The following GALNT17 variants were observed in gnomAD, a reference collection of about 807,000 sequenced individuals.
GALNT17 encodes the protein polypeptide N-acetylgalactosaminyltransferase 17.
Under a neutral mutation model 63.7 loss-of-function variants are expected in GALNT17, and 29 were observed. That is an observed-to-expected ratio of 0.46 (90% CI 0.34 to 0.62). The LOEUF (loss-of-function observed/expected upper bound fraction) is 0.62. Ranked by LOEUF, GALNT17 falls within the 20% of genes least tolerant of loss-of-function variation. The probability of loss-of-function intolerance (pLI) is 0.01; values close to 1 mark genes in which losing one functional copy is unlikely to be tolerated. For missense variants in GALNT17, 603 were observed against 799.6 expected, an observed-to-expected ratio of 0.75 and a Z score of 2.97; for synonymous variants, 305 against 318.3, an observed-to-expected ratio of 0.96 and a Z score of 0.45.
chr7:71,278,368 G>A (rs146326514), intron 1 of GALNT17, among the ~76,000 whole-genome samples: 50 of 152,290 alleles, frequency 3.3e-4, no homozygotes, highest in Middle Eastern at 3.4e-3. Context: ...GGCAGACCAC[G>A]CTCCTTCTGA....
chr7:71,399,850 T>A (rs1793209540), intron 3 of GALNT17, among the ~76,000 whole-genome samples: 1 of 152,180 alleles, frequency 6.6e-6, no homozygotes, highest in Non-Finnish European at 1.5e-5. Flanking sequence ...CATTTTTAAG[T>A]GTGCATTTAA....
intron 1 of GALNT17, among the ~76,000 whole-genome samples, chr7:71,269,187 A>T (rs1257248832): frequency 6.6e-6 from 1 of 152,198 alleles, no homozygotes; most frequent in Non-Finnish European, 1.5e-5. Context: ...TTTTGTGGCC[A>T]GGCATCATGG....
intron 1 of GALNT17, among the ~76,000 whole-genome samples, chr7:71,308,879 C>G (rs1882573): frequency 0.92 from 139,318 of 151,964 alleles, 63,939 homozygotes; most frequent in East Asian, 1. Context: ...CAAGTAGCTG[C>G]ATTACAGGCA....
chr7:71,567,621 C>G (rs1401496438), intron 5 of GALNT17, among the ~76,000 whole-genome samples: 1 of 152,172 alleles, frequency 6.6e-6, no homozygotes, highest in Non-Finnish European at 1.5e-5. Context: ...CACACCACCA[C>G]GCCCAGCTAA....
At chr7:71,511,300 G>A (rs914575333) in intron 5 of GALNT17, among the ~76,000 whole-genome samples, 3 of 152,204 alleles carry the variant, frequency 2.0e-5, no homozygotes, top group Non-Finnish European at 4.4e-5. Flanking sequence ...GATCAGATAG[G>A]AAACCAGGGT....
intron 2 of GALNT17, among the ~76,000 whole-genome samples, chr7:71,351,418 A>T (rs1324601450): frequency 3.9e-5 from 6 of 152,094 alleles, no homozygotes; most frequent in Admixed American, 3.9e-4. Context: ...TCCATCTGGA[A>T]CCTCAGGTCA....
chr7:71,429,646 G>T (rs1055696697), intron 5 of GALNT17, among the ~76,000 whole-genome samples: 3 of 152,150 alleles, frequency 2.0e-5, no homozygotes, highest in Non-Finnish European at 2.9e-5. Flanking sequence ...GGGCTCAAGC[G>T]ATACTCCTGC....
At chr7:71,274,135 G>A (rs1243204960) in intron 1 of GALNT17, among the ~76,000 whole-genome samples, 1 of 152,198 alleles carries the variant, frequency 6.6e-6, no homozygotes, top group Non-Finnish European at 1.5e-5. Context: ...TTTCCCTGGT[G>A]TACATATTTC....
intron 10 of GALNT17, among the ~76,000 whole-genome samples, chr7:71,711,141 C>T (rs984499652): frequency 6.6e-6 from 1 of 152,106 alleles, no homozygotes; most frequent in African/African-American, 2.4e-5. Flanking sequence ...TATGTCAGTG[C>T]TAGGCTGGTT....
At chr7:71,263,760 A>G (rs947034391) in intron 1 of GALNT17, among the ~76,000 whole-genome samples, 1 of 151,802 alleles carries the variant, frequency 6.6e-6, no homozygotes, top group African/African-American at 2.4e-5. Flanking sequence ...CGTCTCTACT[A>G]AAAAAATACA....
chr7:71,639,407 C>T (rs973167575), intron 6 of GALNT17, among the ~76,000 whole-genome samples: 1 of 152,190 alleles, frequency 6.6e-6, no homozygotes, highest in African/African-American at 2.4e-5. Flanking sequence ...CCATCTTCTC[C>T]TCCTAGGTGA....
chr7:71,398,222 T>C (rs376235847), intron 3 of GALNT17, among the ~76,000 whole-genome samples: 1 of 152,118 alleles, frequency 6.6e-6, no homozygotes, highest in Non-Finnish European at 1.5e-5. Flanking sequence ...TTTTTTCTGT[T>C]CTCTCTTTCA....
At chr7:71,149,442 C>T (rs1383744635) in intron 1 of GALNT17, among the ~76,000 whole-genome samples, 2 of 152,022 alleles carry the variant, frequency 1.3e-5, no homozygotes, top group African/African-American at 4.8e-5. Flanking sequence ...TTGAGTCTTG[C>T]TCGGTTGGTG....
intron 1 of GALNT17, among the ~76,000 whole-genome samples, chr7:71,140,693 C>T (rs747450255): frequency 6.6e-6 from 1 of 152,162 alleles, no homozygotes; most frequent in Non-Finnish European, 1.5e-5. Context: ...AGCGAAGAAA[C>T]AACCTACGAT....
chr7:71,160,371 A>G lies in GALNT17; in HGVS notation c.238+27331A>G, dbSNP rs146657640. ...TTCAGTGATTCGTTGAGTTCCTTCA[A>G]TGATTTTGCCATAAGTCACATTCTC... On this transcript the variant is annotated intron_variant, in intron 1 of 10. Transcript: ENST00000333538. Among the ~76,000 whole-genome samples, 444 of 152,322 alleles carry G rather than the reference A, an allele frequency of 2.9e-3. 2 individuals carry two copies. Among genetic ancestry groups the G allele is most frequent in the African/African-American group, 9.8e-3 (407 of 41,578 alleles).
At chr7:71,540,199 C>G (rs1788866920) in intron 5 of GALNT17, among the ~76,000 whole-genome samples, 3 of 143,316 alleles carry the variant, frequency 2.1e-5, no homozygotes, top group South Asian at 2.3e-4. Context: ...ACCTCTGCCT[C>G]TCTGCCTCCT....
intron 1 of GALNT17, among the ~76,000 whole-genome samples, chr7:71,224,250 G>A (rs1332247228): frequency 2.0e-5 from 3 of 151,916 alleles, no homozygotes; most frequent in South Asian, 2.1e-4. Context: ...TTGCCATGTC[G>A]GCCAGGCTGG....
At chr7:71,544,297 A>AT (rs754061155) in intron 5 of GALNT17, among the ~76,000 whole-genome samples, 17,258 of 116,714 alleles carry the variant, frequency 0.15, 1,526 homozygotes, top group East Asian at 0.41. Context: ...ACGCCCGGCT[A>AT]TTTTTTTTTT....
intron 6 of GALNT17, among the ~76,000 whole-genome samples, chr7:71,597,575 A>G (rs1267433293): frequency 6.6e-6 from 1 of 152,154 alleles, no homozygotes; most frequent in Non-Finnish European, 1.5e-5. Context: ...TTCACATGCA[A>G]GAAAGTGAGC....
Sources: gnomAD v4.1 joint callset for allele counts (sites outside exome capture counted in the v4.1 genomes callset) on GRCh38, gnomAD v4.1.1 for gene constraint, MANE v1.5 for transcripts, NCBI Gene and HGNC (gene_info 2026-07-23, HGNC 2026-07-21) for gene names.